SYT3: variants seen among roughly 807,000 people sequenced by gnomAD.
SYT3 encodes synaptotagmin-3.
A neutral mutation model predicts 50.6 loss-of-function variants in SYT3; 25 were observed. The ratio of observed to expected loss-of-function variants is 0.49; its 90% confidence interval spans 0.36 to 0.69. The LOEUF (loss-of-function observed/expected upper bound fraction) is 0.69. Among genes scored for constraint, SYT3 ranks in the 30% least tolerant of loss-of-function variants. SYT3 has a pLI of 0.00. For missense variants in SYT3, 589 were observed against 793.6 expected, an observed-to-expected ratio of 0.74 and a Z score of 3.10; for synonymous variants, 323 against 353.9, an observed-to-expected ratio of 0.91 and a Z score of 0.98.
At chr19:50,628,599 G>A (rs1984158295) in intron 6 of SYT3, among the ~76,000 whole-genome samples, 1 of 152,118 alleles carries the variant, frequency 6.6e-6, no homozygotes, top group South Asian at 2.1e-4. Context: ...GCTTTCAGAA[G>A]TTCAGAGATT....
At chr19:50,658,042 A>G in the SYT3 span, 1 of 1,535,980 alleles carries the variant, frequency 6.5e-7, no homozygotes, top group Non-Finnish European at 8.7e-7. Flanking sequence ...AGGCCCAGTT[A>G]CCAGGGGCCA....
chr19:50,640,481 A>G (rs144421551), upstream of SYT3, among the ~76,000 whole-genome samples: 89 of 152,378 alleles, frequency 5.8e-4, no homozygotes, highest in African/African-American at 2.1e-3. Context: ...ATAGCAGTTA[A>G]TGGCAATTGT....
chr19:50,628,501 A>G (rs909159967), intron 6 of SYT3, among the ~76,000 whole-genome samples: 1 of 152,172 alleles, frequency 6.6e-6, no homozygotes, highest in African/African-American at 2.4e-5. Context: ...GGCAGGGACC[A>G]TGAAAAAACA....
the SYT3 span, chr19:50,649,805 C>A: frequency 1.9e-6 from 1 of 537,738 alleles, no homozygotes; most frequent in Non-Finnish European, 3.6e-6. Context: ...TAGGTAACCT[C>A]ACTGTCTTGT....
In SYT3 at chr19:50,632,499, G is replaced by A. The variant is rs1382570240; in HGVS notation, c.461C>T (p.Ser154Phe). ...ELLEPGSLGG[S>F]DTPEPSYLDM... is the part of the protein sequence containing the mutation. ...CAAGTAGGAGGGCTCAGGGGTGTCA[G>A]AACCCCCCAGGCTGCCTGGCTCCAG... The change falls in exon 4 of 11, where the codon TCT (serine) becomes TTT (phenylalanine). Residue 154 changes from serine (S) to phenylalanine (F), a missense_variant. Transcript: ENST00000600079. This position sits in a 1 kb window ranked among gnomAD's most constrained non-coding sequence, Gnocchi z 4.7. 5.0e-6 allele frequency: 8 copies of A among 1,611,880 alleles called. No homozygotes were observed. Among genetic ancestry groups the A allele is most frequent in the Non-Finnish European group, 6.8e-6 (8 of 1,179,420 alleles).
Position 50,632,804 on chromosome 19 carries a change from G to A in SYT3, c.156C>T (p.Ser52=), listed in dbSNP as rs144721565. Residue 52 remains serine (S), a synonymous_variant, in exon 4 of 11, where the codon TCC becomes TCT. Transcript: ENST00000600079. The surrounding 1 kb of genome is among the most constrained non-coding windows in gnomAD (Gnocchi z 4.7). The stretch of plus-strand genomic sequence containing the variant: ...TCACGATGACCGACAGCAGGCTCAC[G>A]GAGATGTCTGGAGAGAACGAGGACA... ...GYPRGPDADI[S]VSLLSVIVTF... The A allele has an allele frequency of 1.1e-4, 163 of 1,505,188 alleles. No individual in the cohort carries two copies. Among genetic ancestry groups the A allele is most frequent in the South Asian group, 5.4e-4 (41 of 76,278 alleles). 93.2% of individuals were successfully genotyped at this position (1,505,188 alleles called of 1,614,324 possible). A position where few individuals can be genotyped will look rare whatever the true frequency, so the allele number is the denominator to read the frequency against.
chr19:50,650,403 G>A, the SYT3 span, among the ~76,000 whole-genome samples: 1 of 152,220 alleles, frequency 6.6e-6, no homozygotes, highest in Non-Finnish European at 1.5e-5. Context: ...GGGTGTGGTG[G>A]CTCACGCCTA....
At chr19:50,649,551 C>A in the SYT3 span, 1 of 1,532,316 alleles carries the variant, frequency 6.5e-7, no homozygotes, top group South Asian at 1.2e-5. Flanking sequence ...TGGACTTCCT[C>A]CATCCAGGCA....
chr19:50,630,430 C>T (rs1052940120), intron 4 of SYT3, among the ~76,000 whole-genome samples: 2 of 138,650 alleles, frequency 1.4e-5, no homozygotes, highest in African/African-American at 5.3e-5. Flanking sequence ...TCCTTCTTTC[C>T]TTTTCTTTTG....
chr19:50,649,523 T>C, the SYT3 span: 2 of 1,536,088 alleles, frequency 1.3e-6, no homozygotes, highest in South Asian at 1.2e-5. Flanking sequence ...TACTGAGCTG[T>C]GTCTTTGGGG....
intron 9 of SYT3, among the ~76,000 whole-genome samples, chr19:50,623,055 G>A (rs2122992549): frequency 6.8e-6 from 1 of 146,200 alleles, no homozygotes; most frequent in Non-Finnish European, 1.5e-5. Flanking sequence ...GGAGCCACGG[G>A]AGGGCTGTGA....
chr19:50,650,007 C>A, the SYT3 span, among the ~76,000 whole-genome samples: 16 of 152,290 alleles, frequency 1.1e-4, no homozygotes, highest in East Asian at 3.1e-3. Flanking sequence ...TCTCTGTCCC[C>A]GCAGCCCTGT....
At position 50,625,789 on chromosome 19, in the gene SYT3, CCCAGCTCCTCCTCCCTCA is replaced by C. The variant is rs2122998968; in HGVS notation, c.1402+90_1402+107del. 8 of 602,306 alleles carry C rather than the reference CCCAGCTCCTCCTCCCTCA, an allele frequency of 1.3e-5. No individual in the cohort carries two copies. The highest frequency in any genetic ancestry group is 5.5e-5 in the South Asian group (3 of 54,300). The allele number at this position is 602,306 out of a possible 1,614,324, so 37.3% of individuals were successfully genotyped here. On this transcript the variant is annotated intron_variant, in intron 7 of 10. Transcript: ENST00000600079. The surrounding 1 kb of genome is among the most constrained non-coding windows in gnomAD (Gnocchi z 7.5). ...TCCCTCAGACCCAGGAGTCCAGATC[CCCAGCTCCTCCTCCCTCA>C]GACCCAGGAGTCCAGGCCCCTGGCC...
chr19:50,626,268 G>A, intron 6 of SYT3: 1 of 447,618 alleles, frequency 2.2e-6, no homozygotes, highest in Non-Finnish European at 4.0e-6. Context: ...AGAGAGGAGG[G>A]GAGAGACAGA....
Position 50,632,483 on chromosome 19 carries a change from G to C in SYT3, c.477C>G (p.Pro159=). The C allele has an allele frequency of 6.2e-7, 1 of 1,612,930 alleles. No individual in the cohort carries two copies. The highest frequency in any genetic ancestry group is 8.5e-7 in the Non-Finnish European group (1 of 1,179,688). Residue 159 remains proline (P), a synonymous_variant, in exon 4 of 11, where the codon CCC becomes CCG. Coordinates refer to ENST00000600079, the MANE Select transcript of SYT3 (RefSeq NM_001160329.2). This position sits in a 1 kb window ranked among gnomAD's most constrained non-coding sequence, Gnocchi z 4.7. ...GATACGAGTCCATGTCCAAGTAGGA[G>C]GGCTCAGGGGTGTCAGAACCCCCCA... ...GSLGGSDTPE[P]SYLDMDSYPE...
chr19:50,650,686 C>A, the SYT3 span, among the ~76,000 whole-genome samples: 1 of 152,148 alleles, frequency 6.6e-6, no homozygotes, highest in Admixed American at 6.6e-5. Flanking sequence ...ACAAAACAAA[C>A]AAACAAACAA....
intron 3 of SYT3, among the ~76,000 whole-genome samples, chr19:50,634,895 C>CT (rs1267082947): frequency 4.8e-5 from 7 of 144,422 alleles, no homozygotes; most frequent in African/African-American, 1.5e-4. Context: ...TGCTCCTTCT[C>CT]TTTTTTTTTG....
At chr19:50,629,241 CG>C (rs1378289452) in intron 6 of SYT3, 52 bp downstream of exon 6, 8 of 1,463,260 alleles carry the variant, frequency 5.5e-6, no homozygotes, top group East Asian at 4.7e-5. Context: ...GCTTGCAACC[CG>C]GGGGGTCTCA....
chr19:50,623,613 C>CAAAAAAAAA lies in SYT3; in HGVS notation c.1708-867_1708-859dup, dbSNP rs529397903. On this transcript the variant is annotated intron_variant, in intron 9 of 10. Coordinates refer to ENST00000600079, the MANE Select transcript of SYT3 (RefSeq NM_001160329.2). ...ACAACATGGCAAAACCCTGTCTCTA[C>CAAAAAAAAA]AAAAAAAAAAAAAAAAAAAAAAAAA... Among the ~76,000 whole-genome samples, 182 of 91,596 alleles carry CAAAAAAAAA rather than the reference C, an allele frequency of 2.0e-3. 14 individuals are homozygous for CAAAAAAAAA. The highest frequency in any genetic ancestry group is 2.6e-3 in the Non-Finnish European group (128 of 48,480). 60.1% of individuals were successfully genotyped at this position (91,596 alleles called of 152,430 possible).
Sources: allele counts gnomAD v4.1 joint callset (sites outside exome capture counted in the v4.1 genomes callset), GRCh38; gene constraint gnomAD v4.1.1; non-coding constraint Gnocchi (gnomAD v3.1); transcripts MANE v1.5; gene names NCBI Gene and HGNC (gene_info 2026-07-23, HGNC 2026-07-21).